The following SGMS1 variants were observed in gnomAD, a reference collection of about 807,000 sequenced individuals.
SGMS1 encodes sphingomyelin synthase 1.
A neutral mutation model predicts 46.2 loss-of-function variants in SGMS1; 13 were observed. The ratio of observed to expected loss-of-function variants is 0.28; its 90% confidence interval spans 0.18 to 0.45. SGMS1 has a LOEUF of 0.45. SGMS1 is among the 20% of genes least tolerant of loss of function. The probability of loss-of-function intolerance (pLI) is 1.00; values close to 1 mark genes in which losing one functional copy is unlikely to be tolerated. For missense variants in SGMS1, 324 were observed against 519.9 expected (o/e 0.62, Z 3.66); for synonymous variants, 203 against 187.8 (o/e 1.08, Z -0.66).
chr10:50,565,929 C>T (rs923152529), intron 2 of SGMS1, among the ~76,000 whole-genome samples: 16 of 152,220 alleles, frequency 1.1e-4, no homozygotes, highest in Non-Finnish European at 2.4e-4. Context: ...TGGAGATAAC[C>T]ACACTTACAG....
chr10:50,453,151 G>A (rs937661145), intron 5 of SGMS1, among the ~76,000 whole-genome samples: 2 of 152,040 alleles, frequency 1.3e-5, no homozygotes, highest in African/African-American at 4.8e-5. Flanking sequence ...ACAGGCAAAT[G>A]AATCAGATCT....
At chr10:50,495,131 G>A (rs1588853204) in intron 3 of SGMS1, among the ~76,000 whole-genome samples, 1 of 150,132 alleles carries the variant, frequency 6.7e-6, no homozygotes, top group East Asian at 1.9e-4. Flanking sequence ...CCAGCTACTT[G>A]GGAGGCTGAG....
At chr10:50,575,805 C>T (rs1489915894) in intron 2 of SGMS1, among the ~76,000 whole-genome samples, 1 of 152,134 alleles carries the variant, frequency 6.6e-6, no homozygotes, top group South Asian at 2.1e-4. Context: ...AGCAAGAAAG[C>T]TATGGCCCAA....
intron 5 of SGMS1, among the ~76,000 whole-genome samples, chr10:50,458,522 A>AT (rs542383178): frequency 5.6e-4 from 82 of 146,946 alleles, no homozygotes; most frequent in South Asian, 2.8e-3. Context: ...TGACCGGCTA[A>AT]TTTTTTTTTT....
intron 2 of SGMS1, among the ~76,000 whole-genome samples, chr10:50,562,355 T>TGTGC (rs376552618): frequency 2.0e-3 from 273 of 133,458 alleles, no homozygotes; most frequent in Admixed American, 2.5e-3. Context: ...TGTGTGTGTG[T>TGTGC]GCGCGCGCGC....
At chr10:50,499,603 T>A (rs890806347) in intron 3 of SGMS1, among the ~76,000 whole-genome samples, 2 of 152,204 alleles carry the variant, frequency 1.3e-5, no homozygotes, top group African/African-American at 4.8e-5. Context: ...ACATAAATAT[T>A]CTTTTCCCAA....
chr10:50,334,247 G>A (rs764067705), intron 7 of SGMS1, among the ~76,000 whole-genome samples: 1 of 152,198 alleles, frequency 6.6e-6, no homozygotes. Context: ...AAATAAAATT[G>A]TAGACAAAAG....
At chr10:50,472,985 T>C (rs556412872) in intron 3 of SGMS1, 1 of 152,232 alleles carries the variant, frequency 6.6e-6, no homozygotes, top group East Asian at 1.9e-4. Flanking sequence ...GGAAATATGA[T>C]CTAGTAAAAT....
chr10:50,312,302 A>G (rs145767390), intron 8 of SGMS1, among the ~76,000 whole-genome samples: 1 of 150,832 alleles, frequency 6.6e-6, no homozygotes, highest in East Asian at 1.9e-4. Context: ...CTGATTAAGG[A>G]TGGAAGGATG....
intron 5 of SGMS1, among the ~76,000 whole-genome samples, chr10:50,459,637 C>G (rs1837239851): frequency 6.6e-6 from 1 of 152,220 alleles, no homozygotes; most frequent in South Asian, 2.1e-4. Context: ...CTCCTGACCT[C>G]AGGTGATCTG....
At chr10:50,563,469 C>T (rs543000079) in intron 2 of SGMS1, among the ~76,000 whole-genome samples, 2 of 152,134 alleles carry the variant, frequency 1.3e-5, no homozygotes, top group Non-Finnish European at 2.9e-5. Context: ...TGAGGCCGGG[C>T]GCGGTGGCTC....
chr10:50,559,958 T>C (rs1354360513), intron 2 of SGMS1, among the ~76,000 whole-genome samples: 1 of 151,866 alleles, frequency 6.6e-6, no homozygotes, highest in African/African-American at 2.4e-5. Flanking sequence ...CAAGTATAAG[T>C]AGCTCAGAGA....
chr10:50,582,536 G>A (rs1838444435), intron 2 of SGMS1, among the ~76,000 whole-genome samples: 1 of 152,104 alleles, frequency 6.6e-6, no homozygotes, highest in East Asian at 1.9e-4. Context: ...AAAAAGCTTT[G>A]TCTCCTCTGA....
rs150690801 is a variant in SGMS1 at position 50,481,777 on chromosome 10, G to A, written c.-497-14845C>T. On this transcript the variant is annotated intron_variant, in intron 3 of 10. Transcript: ENST00000361781. ...CCAATGCAAAAAGGCTAAGAACAAT[G>A]ATAAAACATTACAGGAGCTGTTAAC... Among the ~76,000 whole-genome samples the A allele has an allele frequency of 2.7e-3, 411 of 152,252 alleles. 3 individuals are homozygous for A. The highest frequency in any genetic ancestry group is 9.7e-3 in the African/African-American group (402 of 41,542).
intron 8 of SGMS1, among the ~76,000 whole-genome samples, chr10:50,315,403 G>A (rs536099348): frequency 1.1e-4 from 17 of 152,296 alleles, no homozygotes; most frequent in African/African-American, 4.1e-4. Flanking sequence ...TTGGAGCTCT[G>A]TCTGCACCCA....
At chr10:50,526,633 T>A (rs962340796) in intron 2 of SGMS1, among the ~76,000 whole-genome samples, 1 of 152,244 alleles carries the variant, frequency 6.6e-6, no homozygotes, top group East Asian at 1.9e-4. Context: ...TAGCAAGCAC[T>A]TCATAAATGT....
At chr10:50,503,732 A>G (rs1255691858) in intron 3 of SGMS1, among the ~76,000 whole-genome samples, 1 of 152,186 alleles carries the variant, frequency 6.6e-6, no homozygotes, top group African/African-American at 2.4e-5. Flanking sequence ...AGAGAAGAGC[A>G]GTTCTGTGGG....
Position 50,596,379 on chromosome 10 carries a change from T to C in SGMS1, c.-683-6132A>G, listed in dbSNP as rs1838593254. On this transcript the variant is annotated intron_variant, in intron 1 of 10. Coordinates refer to ENST00000361781, the MANE Select transcript of SGMS1 (RefSeq NM_147156.4). ...TTTCAGTAGAGACAGGGTTTCGCCA[T>C]GTTGGCTAAGCTGGTCTTGAATTCC... is the stretch of plus-strand genomic sequence containing the variant. Among the ~76,000 whole-genome samples the C allele has an allele frequency of 2.6e-5, 4 of 152,354 alleles. 1 individual carries two copies. The South Asian group carries it at 8.3e-4, about 32-fold the overall frequency.
intron 2 of SGMS1, among the ~76,000 whole-genome samples, chr10:50,530,595 C>T (rs3011783): frequency 0.17 from 26,410 of 152,066 alleles, 2,975 homozygotes; most frequent in Non-Finnish European, 0.26. Context: ...AGCGATCCTC[C>T]CGCCTCAGCC....
Sources: gnomAD v4.1 joint callset for allele counts (sites outside exome capture counted in the v4.1 genomes callset) on GRCh38, gnomAD v4.1.1 for gene constraint, MANE v1.5 for transcripts, NCBI Gene and HGNC (gene_info 2026-07-23, HGNC 2026-07-21) for gene names.